Variants in NAALADL2 observed in about 807,000 individuals in gnomAD.
NAALADL2 encodes inactive N-acetylated-alpha-linked acidic dipeptidase-like protein 2.
NAALADL2 carries 76 observed loss-of-function variants against 87.2 expected under a neutral mutation model. The observed-to-expected ratio is 0.87, with a 90% CI of 0.72 to 1.05. The LOEUF (loss-of-function observed/expected upper bound fraction) is 1.05, where lower values mean the gene tolerates loss of function less well. Ranked by LOEUF, NAALADL2 falls within the 50% of genes least tolerant of loss-of-function variation. NAALADL2 has a pLI of 0.00. For missense variants in NAALADL2, 1,089 were observed against 945.8 expected, an observed-to-expected ratio of 1.15 and a Z score of -1.99; for synonymous variants, 354 against 331.0, an observed-to-expected ratio of 1.07 and a Z score of -0.75.
At chr3:175,133,170 C>CG (rs1437335665) in intron 2 of NAALADL2, among the ~76,000 whole-genome samples, 3 of 146,918 alleles carry the variant, frequency 2.0e-5, no homozygotes, top group Admixed American at 6.7e-5. Flanking sequence ...GGATGGCCGC[C>CG]GGGAAGAGGC....
Position 175,782,050 on chromosome 3 carries a change from G to T in NAALADL2, c.2190-20955G>T, listed in dbSNP as rs570098212. On this transcript the variant is annotated intron_variant, in intron 13 of 13. Transcript: ENST00000454872. ...GGACATGAACTCATCATTTTTTATG[G>T]CTGCATAGTATTCCATGGTGTATAT... Among the ~76,000 whole-genome samples, 1,103 of 150,686 alleles carry T rather than the reference G, an allele frequency of 7.3e-3. 10 individuals are homozygous for T. Among genetic ancestry groups the T allele is most frequent in the African/African-American group, 0.026 (1,060 of 41,152 alleles).
Position 175,692,348 on chromosome 3 carries a change from C to T in NAALADL2, c.1897-44958C>T, listed in dbSNP as rs141227541. ...AATTTACTAGAATAAATACTGACTACCTGTGTGCACGAAGGAGATTTTGAT... is the reference window on the plus strand; with the variant it reads ...AATTTACTAGAATAAATACTGACTATCTGTGTGCACGAAGGAGATTTTGAT... On this transcript the variant is annotated intron_variant, in intron 11 of 13. Transcript: ENST00000454872. 3.7e-3 allele frequency among the ~76,000 whole-genome samples: 564 copies of T among 152,168 alleles called. 2 individuals carry two copies. Among genetic ancestry groups the T allele is most frequent in the Middle Eastern group, 6.8e-3 (2 of 294 alleles).
rs750185480 is a variant in NAALADL2 at position 175,206,264 on chromosome 3, T to TATATATATATATATATATATATA, written c.546-27667_546-27666insATATATATATATATATATATATA. Among the ~76,000 whole-genome samples the TATATATATATATATATATATATA allele has an allele frequency of 2.1e-3, 143 of 69,490 alleles. 4 individuals carry two copies. The highest frequency in any genetic ancestry group is 0.011 in the Middle Eastern group (1 of 94). 45.6% of individuals were successfully genotyped at this position (69,490 alleles called of 152,430 possible). ...AAAAACTATATATATATATATATAT[T>TATATATATATATATATATATATA]TTTTTTTTTCACTGTGTGTGTGTAT... On this transcript the variant is annotated intron_variant, in intron 2 of 13. Coordinates refer to ENST00000454872, the MANE Select transcript of NAALADL2 (RefSeq NM_207015.3).
intron 2 of NAALADL2, among the ~76,000 whole-genome samples, chr3:174,563,288 C>A (rs1467697763): frequency 2.0e-5 from 3 of 151,180 alleles, no homozygotes; most frequent in East Asian, 2.0e-4. Flanking sequence ...ATGCTATAAA[C>A]CTTTTGGTGA....
At chr3:174,833,638 CTG>C (rs1329314567) in intron 3 of NAALADL2, among the ~76,000 whole-genome samples, 2 of 152,022 alleles carry the variant, frequency 1.3e-5, no homozygotes, top group African/African-American at 4.8e-5. Context: ...TATCATAAAT[CTG>C]AACATACATA....
chr3:174,882,431 GTGTGTGTATATA>G (rs923445506), intron 1 of NAALADL2, among the ~76,000 whole-genome samples: 15 of 145,176 alleles, frequency 1.0e-4, no homozygotes, highest in Non-Finnish European at 1.8e-4. Context: ...TGTGTTGTGT[GTGTGTGTATATA>G]TGTGTGTATA....
intron 5 of NAALADL2, among the ~76,000 whole-genome samples, chr3:175,349,431 G>GA (rs1763505677): frequency 6.6e-6 from 1 of 152,048 alleles, no homozygotes; most frequent in African/African-American, 2.4e-5. Context: ...TGCGGAGGGG[G>GA]AAATGAGGCA....
At chr3:175,705,729 A>G (rs1167471331) in intron 11 of NAALADL2, among the ~76,000 whole-genome samples, 2 of 152,106 alleles carry the variant, frequency 1.3e-5, no homozygotes, top group African/African-American at 4.8e-5. Context: ...ATATAAAAAA[A>G]CTTGCCCAAC....
rs573936682 is a variant in NAALADL2 at position 175,661,470 on chromosome 3, G to T, written c.1896+34084G>T. Among the ~76,000 whole-genome samples the T allele has an allele frequency of 2.1e-3, 317 of 151,358 alleles. 1 individual carries two copies. The highest frequency in any genetic ancestry group is 3.4e-3 in the Non-Finnish European group (228 of 67,780). On this transcript the variant is annotated intron_variant, in intron 11 of 13. Coordinates refer to ENST00000454872, the MANE Select transcript of NAALADL2 (RefSeq NM_207015.3). ...ATTCTGTAAATTGTCACTTCACTTT[G>T]TTAATTGGTTTCTTTGCTGTGCTGA...
chr3:175,068,130 T>C (rs1714891115), intron 1 of NAALADL2, among the ~76,000 whole-genome samples: 1 of 152,016 alleles, frequency 6.6e-6, no homozygotes, highest in South Asian at 2.1e-4. Flanking sequence ...AAAAACTACC[T>C]TTTGGGTACT....
chr3:175,303,690 C>T (rs1417508547), intron 4 of NAALADL2, among the ~76,000 whole-genome samples: 1 of 152,190 alleles, frequency 6.6e-6, no homozygotes, highest in Admixed American at 6.5e-5. Context: ...CATTTCCATT[C>T]CCCTTAGGGA....
At chr3:175,321,075 C>T (rs569984892) in intron 4 of NAALADL2, among the ~76,000 whole-genome samples, 2 of 150,480 alleles carry the variant, frequency 1.3e-5, no homozygotes, top group Non-Finnish European at 1.5e-5. Flanking sequence ...AACATTGATG[C>T]AAAAATCCTC....
chr3:174,643,228 A>T (rs1723432961), intron 2 of NAALADL2, among the ~76,000 whole-genome samples: 1 of 152,164 alleles, frequency 6.6e-6, no homozygotes, highest in Admixed American at 6.5e-5. Flanking sequence ...TTCTAGTGGC[A>T]ATGGGGTGGC....
At chr3:175,719,651 A>G (rs542852542) in intron 11 of NAALADL2, among the ~76,000 whole-genome samples, 1 of 152,306 alleles carries the variant, frequency 6.6e-6, no homozygotes, top group African/African-American at 2.4e-5. Context: ...TTCCCATTGC[A>G]CTTACAATAC....
intron 3 of NAALADL2, among the ~76,000 whole-genome samples, chr3:174,749,654 T>G (rs554931811): frequency 5.9e-5 from 9 of 152,312 alleles, no homozygotes; most frequent in Admixed American, 2.6e-4. Flanking sequence ...GCTGAAAATT[T>G]TAATATTTTG....
intron 2 of NAALADL2, among the ~76,000 whole-genome samples, chr3:175,137,766 G>GTT (rs113841309): frequency 0.52 from 79,270 of 151,012 alleles, 20,978 homozygotes; most frequent in East Asian, 0.6. Flanking sequence ...ACCCAGCTAA[G>GTT]TTTGTTTTGT....
At chr3:174,787,627 G>T (rs1157341151) in intron 3 of NAALADL2, among the ~76,000 whole-genome samples, 1 of 29,222 alleles carries the variant, frequency 3.4e-5, no homozygotes, top group Non-Finnish European at 7.5e-5. Context: ...ATATAGTAGT[G>T]ACTCTCCCAT....
At chr3:175,028,357 G>A (rs181154773) in intron 1 of NAALADL2, among the ~76,000 whole-genome samples, 166 of 152,136 alleles carry the variant, frequency 1.1e-3, no homozygotes, top group Non-Finnish European at 1.5e-3. Flanking sequence ...TATGAAAGTC[G>A]CTAAATATAT....
intron 1 of NAALADL2, among the ~76,000 whole-genome samples, chr3:174,896,108 C>G (rs1731496634): frequency 6.6e-6 from 1 of 152,008 alleles, no homozygotes; most frequent in Admixed American, 6.6e-5. Flanking sequence ...AACCTTTCCA[C>G]TAAAACCGGA....
Sources: gnomAD v4.1 joint callset for allele counts (sites outside exome capture counted in the v4.1 genomes callset) on GRCh38, gnomAD v4.1.1 for gene constraint, MANE v1.5 for transcripts, NCBI Gene and HGNC (gene_info 2026-07-23, HGNC 2026-07-21) for gene names.